Variants in ABHD2 observed in about 807,000 individuals in gnomAD.
ABHD2 encodes the protein monoacylglycerol lipase ABHD2.
Under a neutral mutation model 48.1 loss-of-function variants are expected in ABHD2, and 20 were observed. The ratio of observed to expected loss-of-function variants is 0.42; its 90% CI spans 0.29 to 0.60. The LOEUF (loss-of-function observed/expected upper bound fraction) is 0.60. Ranked by LOEUF, ABHD2 falls within the 20% of genes least tolerant of loss-of-function variation. ABHD2 has a pLI of 0.24. For missense variants in ABHD2, 405 were observed against 550.9 expected (o/e 0.74, Z 2.65); for synonymous variants, 209 against 214.2 (o/e 0.98, Z 0.21).
intron 3 of ABHD2, among the ~76,000 whole-genome samples, chr15:89,147,642 T>C (rs112493034): frequency 0.06 from 9,012 of 151,098 alleles, 921 homozygotes; most frequent in African/African-American, 0.21. Flanking sequence ...CGTGAGCCAC[T>C]GCGCCCGGCT....
In ABHD2 at chr15:89,135,623, T is replaced by G. The variant is rs550021226; in HGVS notation, c.195-16054T>G. ...TCATCTTCCTCCTCTTCCTTCTTTTTCTTGCTTTTTTCAGCCTTGACAACT... is the reference window on the plus strand; with the variant it reads ...TCATCTTCCTCCTCTTCCTTCTTTTGCTTGCTTTTTTCAGCCTTGACAACT... On this transcript the variant is annotated intron_variant, in intron 3 of 10. Transcript: ENST00000352732. The G allele has an allele frequency of 1.3e-4, 198 of 1,549,450 alleles. No homozygotes were observed. The African/African-American group carries it at 2.6e-3, about 20-fold the overall frequency.
chr15:89,148,165 T>G (rs1366533730), intron 3 of ABHD2, among the ~76,000 whole-genome samples: 1 of 139,644 alleles, frequency 7.2e-6, no homozygotes, highest in Non-Finnish European at 1.6e-5. Flanking sequence ...AGTTAAAATA[T>G]ACAATAGATT....
rs1183401059 is a variant in ABHD2 at position 89,106,777 on chromosome 15, G to A, written c.-106-6948G>A. 1.3e-5 allele frequency among the ~76,000 whole-genome samples: 2 copies of A among 152,170 alleles called. No homozygotes were observed. The highest frequency in any genetic ancestry group is 4.8e-5 in the African/African-American group (2 of 41,430). On this transcript the variant is annotated intron_variant, in intron 1 of 10. Coordinates refer to ENST00000352732, the MANE Select transcript of ABHD2 (RefSeq NM_152924.5). This position sits in a 1 kb window ranked among gnomAD's most constrained non-coding sequence, Gnocchi z 4.2. ...TTAAGGTTGACCACTTTTATCTGGT[G>A]TAGCAAGTTCAATAGTGACCCTCCA...
Position 89,120,043 on chromosome 15 carries a change from G to C in ABHD2, c.194+3522G>C, listed in dbSNP as rs890932063. Among the ~76,000 whole-genome samples the C allele has an allele frequency of 1.3e-5, 2 of 152,124 alleles. No individual in the cohort carries two copies. Among genetic ancestry groups the C allele is most frequent in the Non-Finnish European group, 2.9e-5 (2 of 68,032 alleles). On this transcript the variant is annotated intron_variant, in intron 3 of 10. Coordinates refer to ENST00000352732, the MANE Select transcript of ABHD2 (RefSeq NM_152924.5). The surrounding 1 kb of genome is among the most constrained non-coding windows in gnomAD (Gnocchi z 4.2). ...GGTAGCTGGTTATGATGACATGCGC[G>C]GAATCAGGACGTGTCTTCTTACTGT... is the stretch of plus-strand genomic sequence containing the variant.
chr15:89,137,408 T>C lies in ABHD2; in HGVS notation c.195-14269T>C, dbSNP rs2050332977. On this transcript the variant is annotated intron_variant, in intron 3 of 10. Transcript: ENST00000352732. The surrounding 1 kb of genome is among the most constrained non-coding windows in gnomAD (Gnocchi z 4.8). ...TTTTCCTTGGAGCAAAAAAGTAGTT[T>C]CTTTTTAAGTGGTTTTATTGTAACT... Among the ~76,000 whole-genome samples, 1 of 152,210 alleles carries C rather than the reference T, an allele frequency of 6.6e-6. No individual in the cohort carries two copies. The highest frequency in any genetic ancestry group is 6.5e-5 in the Admixed American group (1 of 15,284).
chr15:89,117,965 G>C (rs538282781), intron 3 of ABHD2, among the ~76,000 whole-genome samples: 7 of 152,320 alleles, frequency 4.6e-5, no homozygotes, highest in Admixed American at 1.3e-4. Flanking sequence ...TTGCGTAATA[G>C]TGGTGGACAC....
At chr15:89,162,646 C>T (rs2050779645) in intron 5 of ABHD2, among the ~76,000 whole-genome samples, 2 of 152,148 alleles carry the variant, frequency 1.3e-5, no homozygotes, top group East Asian at 1.9e-4. Flanking sequence ...CAAGATGTCA[C>T]CCTCTCAGAG....
intron 3 of ABHD2, among the ~76,000 whole-genome samples, chr15:89,145,603 C>T (rs562353500): frequency 2.0e-5 from 3 of 152,298 alleles, no homozygotes; most frequent in Admixed American, 6.5e-5. Flanking sequence ...CGTCTGTCCC[C>T]TTCTGGCTGC....
At position 89,166,788 on chromosome 15, in the gene ABHD2, T is replaced by A. The variant is rs1310763681; in HGVS notation, c.539-9024T>A. Among the ~76,000 whole-genome samples the A allele has an allele frequency of 1.3e-5, 2 of 152,074 alleles. No homozygotes were observed. Among genetic ancestry groups the A allele is most frequent in the African/African-American group, 4.8e-5 (2 of 41,400 alleles). On this transcript the variant is annotated intron_variant, in intron 5 of 10. Coordinates refer to ENST00000352732, the MANE Select transcript of ABHD2 (RefSeq NM_152924.5). The surrounding 1 kb of genome is among the most constrained non-coding windows in gnomAD (Gnocchi z 4.6). ...CCACTGCACAGCCTGAGCTACAGAG[T>A]GAGACCCTATCTCTTAAAACAAACA...
chr15:89,053,707 G>T, the ABHD2 span, among the ~76,000 whole-genome samples: 1 of 152,334 alleles, frequency 6.6e-6, no homozygotes, highest in South Asian at 2.1e-4. Flanking sequence ...AAGAGAAGCA[G>T]AGACTCAAGG....
At chr15:89,139,043 C>G (rs1207692790) in intron 3 of ABHD2, among the ~76,000 whole-genome samples, 1 of 147,268 alleles carries the variant, frequency 6.8e-6, no homozygotes, top group Non-Finnish European at 1.5e-5. Context: ...TAGCAAGACC[C>G]TGTCTCTACA....
At chr15:89,043,431 T>A in the ABHD2 span, among the ~76,000 whole-genome samples, 1 of 142,728 alleles carries the variant, frequency 7.0e-6, no homozygotes, top group South Asian at 2.1e-4. Context: ...ATCTCTTTTT[T>A]AAAGAAGAAG....
At chr15:89,068,610 G>C in the ABHD2 span, among the ~76,000 whole-genome samples, 2 of 152,106 alleles carry the variant, frequency 1.3e-5, no homozygotes, top group East Asian at 3.9e-4. Context: ...AAGGGAAGGT[G>C]TCCCGAGAAA....
intron 1 of ABHD2, among the ~76,000 whole-genome samples, chr15:89,101,644 G>C (rs551138978): frequency 2.6e-4 from 40 of 152,306 alleles, no homozygotes; most frequent in Admixed American, 5.9e-4. Context: ...CCCCAACAGA[G>C]ATGAAAGAGA....
chr15:89,140,277 G>C (rs941518956), intron 3 of ABHD2, among the ~76,000 whole-genome samples: 4 of 152,154 alleles, frequency 2.6e-5, no homozygotes, highest in Admixed American at 2.6e-4. Flanking sequence ...CCCTGGAGAA[G>C]ATAGCCATTC....
chr15:89,127,706 CAT>C (rs71464446), intron 3 of ABHD2, among the ~76,000 whole-genome samples: 3 of 129,896 alleles, frequency 2.3e-5, no homozygotes, highest in East Asian at 2.1e-4. Context: ...TATATATATA[CAT>C]ATATATATAT....
the ABHD2 span, among the ~76,000 whole-genome samples, chr15:89,045,416 G>C: frequency 6.6e-6 from 1 of 151,418 alleles, no homozygotes; most frequent in Non-Finnish European, 1.5e-5. Flanking sequence ...ATGAACTTTA[G>C]TTTTTTCCAA....
In ABHD2 at chr15:89,151,534, A is replaced by G. The variant is rs2050590732; in HGVS notation, c.195-143A>G. ...AGGCGGTAAATCATGGCACGGATGT[A>G]ACGTAATAAAAGCCTCATGTTTATG... On this transcript the variant is annotated intron_variant, in intron 3 of 10. Transcript: ENST00000352732. The surrounding 1 kb of genome is among the most constrained non-coding windows in gnomAD (Gnocchi z 4.7). 1.2e-6 allele frequency: 1 copy of G among 812,246 alleles called. No individual in the cohort carries two copies. The highest frequency in any genetic ancestry group is 1.9e-6 in the Non-Finnish European group (1 of 520,110). 50.3% of individuals were successfully genotyped at this position (812,246 alleles called of 1,614,324 possible).
At chr15:89,065,516 A>G in the ABHD2 span, among the ~76,000 whole-genome samples, 4 of 152,078 alleles carry the variant, frequency 2.6e-5, no homozygotes, top group Non-Finnish European at 5.9e-5. Flanking sequence ...TCTTGGGTAA[A>G]ATTAATGCCA....
Sources: gnomAD v4.1 joint callset for allele counts (sites outside exome capture counted in the v4.1 genomes callset) on GRCh38, gnomAD v4.1.1 for gene constraint, Gnocchi (gnomAD v3.1) non-coding constraint, MANE v1.5 for transcripts, NCBI Gene and HGNC (gene_info 2026-07-23, HGNC 2026-07-21) for gene names.